ITPR3: variants seen among roughly 807,000 people sequenced by gnomAD.
ITPR3 encodes inositol 1,4,5-trisphosphate-gated calcium channel ITPR3.
Under a neutral mutation model 293.2 loss-of-function variants are expected in ITPR3, and 173 were observed. That is an observed-to-expected ratio of 0.59 (90% CI 0.52 to 0.67). The LOEUF (loss-of-function observed/expected upper bound fraction) is 0.67, where lower values mean the gene tolerates loss of function less well. Ranked by LOEUF, ITPR3 falls within the 30% of genes least tolerant of loss-of-function variation. The probability of loss-of-function intolerance (pLI) is 0.00; values close to 1 mark genes in which losing one functional copy is unlikely to be tolerated. For missense variants in ITPR3, 2,796 were observed against 3,592.1 expected (o/e 0.78, Z 5.66); for synonymous variants, 1,295 against 1,444.4 (o/e 0.90, Z 2.35).
intron 7 of ITPR3, 111 bp from the exon 8 acceptor site, chr6:33,662,417 G>A (rs947191640): frequency 3.9e-6 from 5 of 1,273,070 alleles, no homozygotes; most frequent in African/African-American, 3.0e-5. Context: ...CTCTGGAAGA[G>A]GGGCCCTGCC....
chr6:33,669,728 C>CTA (rs1303096652), intron 18 of ITPR3, among the ~76,000 whole-genome samples: 1 of 152,178 alleles, frequency 6.6e-6, no homozygotes, highest in East Asian at 1.9e-4. Flanking sequence ...GTTGTAGCTA[C>CTA]TATAGTTACT....
In ITPR3 at chr6:33,684,281, GC is replaced by G; in HGVS notation, c.4938-74del. The G allele has an allele frequency of 1.3e-6, 2 of 1,594,218 alleles. No homozygotes were observed. The highest frequency in any genetic ancestry group is 1.7e-6 in the Non-Finnish European group (2 of 1,164,154). ...GGTCAGAGGGCCTGGGGGTGTTCCT[GC>G]CTGGGATGGGGTGGGGAAGTAGCTG... On this transcript the variant is annotated intron_variant, in intron 36 of 57. Coordinates refer to ENST00000605930, the MANE Select transcript of ITPR3 (RefSeq NM_002224.4). The surrounding 1 kb of genome is among the most constrained non-coding windows in gnomAD (Gnocchi z 4.2).
At chr6:33,650,759 T>G (rs1353042797) in intron 2 of ITPR3, among the ~76,000 whole-genome samples, 1 of 152,158 alleles carries the variant, frequency 6.6e-6, no homozygotes, top group African/African-American at 2.4e-5. Flanking sequence ...ATGTCATTTT[T>G]TTTTATCGTT....
intron 1 of ITPR3, among the ~76,000 whole-genome samples, chr6:33,630,871 T>C (rs1561848757): frequency 6.6e-6 from 1 of 152,244 alleles, no homozygotes; most frequent in African/African-American, 2.4e-5. Flanking sequence ...CCCCGTTGGT[T>C]GGCACAGGGT....
intron 13 of ITPR3, 114 bp from the exon 14 acceptor site, chr6:33,665,721 G>C: frequency 8.5e-7 from 1 of 1,173,492 alleles, no homozygotes; most frequent in East Asian, 2.4e-5. Flanking sequence ...TTTGTGCTTT[G>C]GGGGCCGCTG....
intron 3 of ITPR3, among the ~76,000 whole-genome samples, chr6:33,657,145 G>A (rs947938692): frequency 2.6e-5 from 4 of 152,204 alleles, no homozygotes; most frequent in East Asian, 1.9e-4. Context: ...TGCCACCTTC[G>A]CCTCGGTCTC....
At chr6:33,686,022 G>A (rs1242351630) in intron 41 of ITPR3, 31 bp from the exon 42 acceptor site, 1 of 1,611,432 alleles carries the variant, frequency 6.2e-7, no homozygotes, top group Admixed American at 1.7e-5. Flanking sequence ...TGCTGTAGCT[G>A]TGCTGTGCCC....
intron 56 of ITPR3, among the ~76,000 whole-genome samples, 153 bp downstream of exon 56, chr6:33,693,858 A>G (rs1329884943): frequency 6.6e-6 from 1 of 152,252 alleles, no homozygotes; most frequent in African/African-American, 2.4e-5. Flanking sequence ...GAGGCCAGGC[A>G]GAGGGGCTCG....
At position 33,692,095 on chromosome 6, in the gene ITPR3, A is replaced by C. The variant is rs1292239162; in HGVS notation, c.7458+167A>C. Among the ~76,000 whole-genome samples, 1 of 152,094 alleles carries C rather than the reference A, an allele frequency of 6.6e-6. No individual in the cohort carries two copies. The highest frequency in any genetic ancestry group is 2.1e-4 in the South Asian group (1 of 4,830). ...CTTTCCACACCTGGCCAATTCCATG[A>C]TATTACTGCTTAGCTGCCCCCTCAC... On this transcript the variant is annotated intron_variant, in intron 54 of 57. Coordinates refer to ENST00000605930, the MANE Select transcript of ITPR3 (RefSeq NM_002224.4). The surrounding 1 kb of genome is among the most constrained non-coding windows in gnomAD (Gnocchi z 4.2).
At position 33,680,309 on chromosome 6, in the gene ITPR3, A is replaced by G; in HGVS notation, c.4225-20A>G. 6.2e-7 allele frequency: 1 copy of G among 1,606,930 alleles called. No homozygotes were observed. Among genetic ancestry groups the G allele is most frequent in the East Asian group, 2.2e-5 (1 of 44,718 alleles). ...CCAGGCGGCCCTGCTTGCGCCCCTG[A>G]CCTCCCGCCCACTGCCCAGGTGAAA... is the stretch of plus-strand genomic sequence containing the variant. On this transcript the variant is annotated intron_variant, in intron 31 of 57. Transcript: ENST00000605930.
rs904286950 is a variant in ITPR3, at chr6:33,633,373, G to A, written c.90-7111G>A. On this transcript the variant is annotated intron_variant, in intron 1 of 57. Coordinates refer to ENST00000605930, the MANE Select transcript of ITPR3 (RefSeq NM_002224.4). This position sits in a 1 kb window ranked among gnomAD's most constrained non-coding sequence, Gnocchi z 5.2. ...CGAAGCGGCCACTTACCCCTGTAGAGCGCGGCTCTGGTTTCAGCGCCCGGT... is the reference window on the plus strand; with the variant it reads ...CGAAGCGGCCACTTACCCCTGTAGAACGCGGCTCTGGTTTCAGCGCCCGGT... Among the ~76,000 whole-genome samples, 13 of 152,356 alleles carry A rather than the reference G, an allele frequency of 8.5e-5. No homozygotes were observed. The highest frequency in any genetic ancestry group is 1.7e-4 in the African/African-American group (7 of 41,590).
chr6:33,627,779 C>T (rs1381732623), intron 1 of ITPR3, among the ~76,000 whole-genome samples: 1 of 152,184 alleles, frequency 6.6e-6, no homozygotes, highest in African/African-American at 2.4e-5. Context: ...GTTGCACTAG[C>T]ATGTGGGGAG....
At position 33,695,782 on chromosome 6, in the gene ITPR3, G is replaced by A. The variant is rs777597260; in HGVS notation, c.*2G>A. On this transcript the variant is annotated 3_prime_UTR_variant, in exon 58 of 58. Coordinates refer to ENST00000605930, the MANE Select transcript of ITPR3 (RefSeq NM_002224.4). ...GTCCAGAACTGCATTAGCCGCTGAGGAGAGCCACCGAAGGCCCCAACAGGG... is the reference window on the plus strand; with the variant it reads ...GTCCAGAACTGCATTAGCCGCTGAGAAGAGCCACCGAAGGCCCCAACAGGG... 6.2e-7 allele frequency: 1 copy of A among 1,613,918 alleles called. No homozygotes were observed. Among genetic ancestry groups the A allele is most frequent in the Non-Finnish European group, 8.5e-7 (1 of 1,179,976 alleles).
chr6:33,674,573 C>T (rs1004731724), intron 24 of ITPR3, among the ~76,000 whole-genome samples: 1 of 152,236 alleles, frequency 6.6e-6, no homozygotes, highest in Non-Finnish European at 1.5e-5. Context: ...CACAGCAGGG[C>T]GGAAGTGTGG....
intron 40 of ITPR3, 54 bp downstream of exon 40, chr6:33,685,587 G>T (rs1160866134): frequency 3.1e-6 from 5 of 1,595,032 alleles, no homozygotes; most frequent in Admixed American, 1.7e-5. Flanking sequence ...GATAAGATGT[G>T]CAGGGGGGTG....
At position 33,633,836 on chromosome 6, in the gene ITPR3, G is replaced by GCGGGGCGGGGCCGGGCCGGGC. The variant is rs1763749367; in HGVS notation, c.90-6635_90-6615dup. Reference sequence around the variant, plus strand: ...GGGGCGGGGCGGGCGCGGGGCGGGCGCGGGGCGGGGCCGGGCCGGGCCGGG... The same window carrying GCGGGGCGGGGCCGGGCCGGGC: ...GGGGCGGGGCGGGCGCGGGGCGGGCGCGGGGCGGGGCCGGGCCGGGCCGGGGCGGGGCCGGGCCGGGCCGGG... On this transcript the variant is annotated intron_variant, in intron 1 of 57. Coordinates refer to ENST00000605930, the MANE Select transcript of ITPR3 (RefSeq NM_002224.4). The surrounding 1 kb of genome is among the most constrained non-coding windows in gnomAD (Gnocchi z 5.2). Among the ~76,000 whole-genome samples, 1 of 120,158 alleles carries GCGGGGCGGGGCCGGGCCGGGC rather than the reference G, an allele frequency of 8.3e-6. No individual in the cohort carries two copies. The highest frequency in any genetic ancestry group is 1.7e-5 in the Non-Finnish European group (1 of 57,178). The allele number at this position is 120,158 out of a possible 152,430, so 78.8% of individuals were successfully genotyped here.
intron 7 of ITPR3, among the ~76,000 whole-genome samples, chr6:33,660,654 C>T (rs1364173373): frequency 6.6e-5 from 10 of 152,138 alleles, no homozygotes. Flanking sequence ...CTTGGCCGGG[C>T]GGGGTGGCTC....
Position 33,685,396 on chromosome 6 carries a change from CAG to C in ITPR3, c.5348_5349del (p.Glu1783AlafsTer27). ...AACCTGATGATGAGTGACAAGAAGT[CAG>C]AGCGCTTCTTCAAGGTGCTGCACGA... On this transcript the variant is annotated frameshift_variant, in exon 40 of 58. Coordinates refer to ENST00000605930, the MANE Select transcript of ITPR3 (RefSeq NM_002224.4). LOFTEE classifies it high-confidence loss of function. 1 of 1,613,900 alleles carries C rather than the reference CAG, an allele frequency of 6.2e-7. No homozygotes were observed. Among genetic ancestry groups the C allele is most frequent in the Non-Finnish European group, 8.5e-7 (1 of 1,179,836 alleles).
chr6:33,669,887 G>A (rs1764710824), intron 18 of ITPR3, among the ~76,000 whole-genome samples: 1 of 152,168 alleles, frequency 6.6e-6, no homozygotes, highest in African/African-American at 2.4e-5. Flanking sequence ...GGAGGCAGAG[G>A]GCCTGGTATT....
Sources: gnomAD v4.1 joint callset for allele counts (sites outside exome capture counted in the v4.1 genomes callset) on GRCh38, gnomAD v4.1.1 for gene constraint, Gnocchi (gnomAD v3.1) non-coding constraint, MANE v1.5 for transcripts, NCBI Gene and HGNC (gene_info 2026-07-23, HGNC 2026-07-21) for gene names.